The following QTGAL variants were observed in gnomAD, a reference collection of about 807,000 sequenced individuals.
QTGAL encodes BGnT-like protein 1.
the QTGAL span, among the ~76,000 whole-genome samples, chr17:83,026,672 CA>C: frequency 3.0e-5 from 3 of 99,032 alleles, no homozygotes; most frequent in African/African-American, 4.4e-5. Context: ...ACACACAGAG[CA>C]GGGCGGGGAG....
chr17:82,964,077 C>A, the QTGAL span, among the ~76,000 whole-genome samples: 9 of 150,204 alleles, frequency 6.0e-5, no homozygotes, highest in Admixed American at 6.0e-4. Context: ...GCCTGGGCAA[C>A]ATGTCGAAAC....
At chr17:83,020,215 A>C in the QTGAL span, among the ~76,000 whole-genome samples, 1 of 152,326 alleles carries the variant, frequency 6.6e-6, no homozygotes, top group East Asian at 1.9e-4. Flanking sequence ...AAGAAAAACC[A>C]AAGCGATATA....
At chr17:83,000,275 T>C in the QTGAL span, among the ~76,000 whole-genome samples, 2 of 152,202 alleles carry the variant, frequency 1.3e-5, no homozygotes, top group African/African-American at 4.8e-5. Context: ...GATCACTTTT[T>C]TACTGTGATT....
At chr17:82,948,897 T>C in the QTGAL span, 2 of 152,254 alleles carry the variant, frequency 1.3e-5, no homozygotes, top group African/African-American at 2.4e-5. Context: ...CCAGGAGTGA[T>C]TGTCTTAGAA....
At chr17:82,960,874 G>T in the QTGAL span, among the ~76,000 whole-genome samples, 2 of 152,246 alleles carry the variant, frequency 1.3e-5, no homozygotes, top group Non-Finnish European at 2.9e-5. Flanking sequence ...GCCCCTTCGT[G>T]GACGCCGAAT....
chr17:82,956,570 C>T, the QTGAL span: 4 of 1,126,638 alleles, frequency 3.6e-6, no homozygotes, highest in East Asian at 2.6e-5. The surrounding 1 kb of genome is among the most constrained non-coding windows in gnomAD (Gnocchi z 5.7). Flanking sequence ...GGCACCTGTC[C>T]CCATGCCCAC....
chr17:82,967,330 C>T, the QTGAL span, among the ~76,000 whole-genome samples: 2 of 152,114 alleles, frequency 1.3e-5, no homozygotes, highest in East Asian at 1.9e-4. Context: ...TGTGTGAACA[C>T]GCAGGTCAGG....
At chr17:83,014,475 A>G in the QTGAL span, 6 of 1,614,014 alleles carry the variant, frequency 3.7e-6, no homozygotes, top group African/African-American at 8.0e-5. Flanking sequence ...GCTGAACGGC[A>G]GCCTCGTGTT....
chr17:83,040,450 CA>C, the QTGAL span, among the ~76,000 whole-genome samples: 3 of 152,086 alleles, frequency 2.0e-5, no homozygotes, highest in African/African-American at 7.2e-5. Flanking sequence ...GCTAAGAACA[CA>C]AGCTAATCAT....
chr17:83,000,252 C>A, the QTGAL span, among the ~76,000 whole-genome samples: 7 of 120,604 alleles, frequency 5.8e-5, no homozygotes, highest in African/African-American at 2.5e-4. Context: ...TGAGCCACTG[C>A]GCCTGGCCGA....
At chr17:82,942,488 A>T in the QTGAL span, 407 of 1,613,234 alleles carry the variant, frequency 2.5e-4, 4 homozygotes, top group East Asian at 8.9e-3. Flanking sequence ...CCCATACCTC[A>T]CCCCTGCCTG....
chr17:83,039,099 T>C, the QTGAL span, among the ~76,000 whole-genome samples: 1 of 152,210 alleles, frequency 6.6e-6, no homozygotes, highest in African/African-American at 2.4e-5. Context: ...CAACACCTCC[T>C]GAGTGCCCGC....
At chr17:83,037,632 G>A in the QTGAL span, among the ~76,000 whole-genome samples, 226 of 152,338 alleles carry the variant, frequency 1.5e-3, no homozygotes, top group African/African-American at 4.9e-3. The surrounding 1 kb of genome is among the most constrained non-coding windows in gnomAD (Gnocchi z 5.2). Flanking sequence ...AGCTCCTCAC[G>A]AGAAACACAG....
At chr17:83,026,752 C>G in the QTGAL span, among the ~76,000 whole-genome samples, 1 of 122,246 alleles carries the variant, frequency 8.2e-6, no homozygotes, top group Non-Finnish European at 1.8e-5. Flanking sequence ...AACCCACCCT[C>G]GACAGACACA....
chr17:82,962,729 C>G, the QTGAL span, among the ~76,000 whole-genome samples: 1 of 152,188 alleles, frequency 6.6e-6, no homozygotes, highest in Non-Finnish European at 1.5e-5. Flanking sequence ...CACTGGAACT[C>G]TCAACATGTT....
chr17:83,051,733 C>G, the QTGAL span: 1 of 1,495,328 alleles, frequency 6.7e-7, no homozygotes. Flanking sequence ...CCGCTGGCAC[C>G]TACCACGTGG....
the QTGAL span, among the ~76,000 whole-genome samples, chr17:82,985,609 C>T: frequency 3.9e-5 from 6 of 152,154 alleles, no homozygotes; most frequent in Non-Finnish European, 5.9e-5. Flanking sequence ...TCCTGCTACC[C>T]AAGAATCAAA....
chr17:83,028,674 G>T, the QTGAL span, among the ~76,000 whole-genome samples: 1 of 152,152 alleles, frequency 6.6e-6, no homozygotes, highest in Non-Finnish European at 1.5e-5. Context: ...ACACTCTGCT[G>T]ACGGGAAGGC....
the QTGAL span, among the ~76,000 whole-genome samples, chr17:82,956,058 A>G: frequency 6.6e-6 from 1 of 152,140 alleles, no homozygotes; most frequent in Non-Finnish European, 1.5e-5. This position sits in a 1 kb window ranked among gnomAD's most constrained non-coding sequence, Gnocchi z 5.7. Flanking sequence ...TGCGGGGCTT[A>G]AAACCTACAT....
Sources: gnomAD v4.1 joint callset for allele counts (sites outside exome capture counted in the v4.1 genomes callset) on GRCh38, gnomAD v4.1.1 for gene constraint, Gnocchi (gnomAD v3.1) non-coding constraint, MANE v1.5 for transcripts, NCBI Gene and HGNC (gene_info 2026-07-23, HGNC 2026-07-21) for gene names.